THY1: variants seen among roughly 807,000 people sequenced by gnomAD.
THY1 encodes Thy-1 cell surface antigen.
Under a neutral mutation model 14.9 loss-of-function variants are expected in THY1, and 10 were observed. The observed-to-expected ratio is 0.67, with a 90% confidence interval of 0.41 to 1.14. The LOEUF is 1.14. Among genes scored for constraint, THY1 ranks in the 50% most tolerant of loss-of-function variants. The probability of loss-of-function intolerance (pLI) is 0.00; values close to 1 mark genes in which losing one functional copy is unlikely to be tolerated. For synonymous variants in THY1, 80 were observed against 90.0 expected (o/e 0.89, Z 0.63); for missense variants, 159 against 202.1 (o/e 0.79, Z 1.29).
At chr11:119,419,589 G>C in intron 3 of THY1, 69 bp from the exon 4 acceptor site, 2 of 1,303,546 alleles carry the variant, frequency 1.5e-6, no homozygotes, top group African/African-American at 1.4e-5. Context: ...GCAGGCACAG[G>C]CCCAAAGCAA....
intron 2 of THY1, chr11:119,420,589 T>TG: frequency 1.6e-6 from 1 of 639,082 alleles, no homozygotes; most frequent in Non-Finnish European, 2.7e-6. Flanking sequence ...ATCCTATCAA[T>TG]GTGTTTCAAG....
chr11:119,415,557 C>T lies in THY1; in HGVS notation c.*3851G>A, dbSNP rs1299687721. Among the ~76,000 whole-genome samples, 4 of 152,240 alleles carry T rather than the reference C, an allele frequency of 2.6e-5. No individual in the cohort carries two copies. The highest frequency in any genetic ancestry group is 7.2e-5 in the African/African-American group (3 of 41,472). ...GGCCACGCCACTGCCAGGCACTCCCCGCCTGCACTGCTGGGCACCTCCAGC... is the reference window on the plus strand; with the variant it reads ...GGCCACGCCACTGCCAGGCACTCCCTGCCTGCACTGCTGGGCACCTCCAGC... On this transcript the variant is annotated 3_prime_UTR_variant, in exon 4 of 4. Transcript: ENST00000284240.
In THY1 at chr11:119,422,650, G is replaced by GCGGCTTCCTTCTCCTC. The variant is rs1348725544; in HGVS notation, c.-25+447_-25+462dup. 1 of 209,230 alleles carries GCGGCTTCCTTCTCCTC rather than the reference G, an allele frequency of 4.8e-6. No individual in the cohort carries two copies. Among genetic ancestry groups the GCGGCTTCCTTCTCCTC allele is most frequent in the South Asian group, 6.6e-5 (1 of 15,222 alleles). The allele number at this position is 209,230 out of a possible 1,614,324, so 13.0% of individuals were successfully genotyped here. A position where few individuals can be genotyped will look rare whatever the true frequency, so the allele number is the denominator to read the frequency against. ...CCACCCAGTCCCCGCCTGCGGCACT[G>GCGGCTTCCTTCTCCTC]CGGCTTCCTTCTCCTCCGGTGCCCC... On this transcript the variant is annotated intron_variant, in intron 1 of 3. Coordinates refer to ENST00000284240, the MANE Select transcript of THY1 (RefSeq NM_006288.5). The surrounding 1 kb of genome is among the most constrained non-coding windows in gnomAD (Gnocchi z 7.0).
Position 119,419,624 on chromosome 11 carries a change from G to T in THY1, c.374-104C>A, listed in dbSNP as rs1861856537. 40 of 853,128 alleles carry T rather than the reference G, an allele frequency of 4.7e-5. No individual in the cohort carries two copies. The South Asian group carries it at 6.0e-4, about 13-fold the overall frequency. The allele number at this position is 853,128 out of a possible 1,614,324, so 52.8% of individuals were successfully genotyped here. ...AGGGTGTACTCCCTTTGGGAGGTGGGTACTGCAATGTCTTAGCTGGGACCA... is the reference window on the plus strand; with the variant it reads ...AGGGTGTACTCCCTTTGGGAGGTGGTTACTGCAATGTCTTAGCTGGGACCA... On this transcript the variant is annotated intron_variant, in intron 3 of 3. Coordinates refer to ENST00000284240, the MANE Select transcript of THY1 (RefSeq NM_006288.5).
chr11:119,416,294 C>T lies in THY1; in HGVS notation c.*3114G>A, dbSNP rs1020500321. 6.6e-6 allele frequency among the ~76,000 whole-genome samples: 1 copy of T among 152,008 alleles called. No homozygotes were observed. Among genetic ancestry groups the T allele is most frequent in the Non-Finnish European group, 1.5e-5 (1 of 68,006 alleles). On this transcript the variant is annotated 3_prime_UTR_variant, in exon 4 of 4. Coordinates refer to ENST00000284240, the MANE Select transcript of THY1 (RefSeq NM_006288.5). ...GGAGTGGATGGGGATGGGGTTGGGGCATGTGTACAGGAACCAGGGCTGGGG... is the reference window on the plus strand; with the variant it reads ...GGAGTGGATGGGGATGGGGTTGGGGTATGTGTACAGGAACCAGGGCTGGGG...
intron 1 of THY1, 82 bp downstream of exon 1, chr11:119,423,031 C>T (rs958031612): frequency 4.4e-6 from 2 of 455,938 alleles, no homozygotes; most frequent in African/African-American, 4.0e-5. Context: ...GGACCGTGGC[C>T]CGAAGCCTAG....
chr11:119,417,087 C>T lies in THY1; in HGVS notation c.*2321G>A, dbSNP rs1861793251. Among the ~76,000 whole-genome samples, 1 of 152,232 alleles carries T rather than the reference C, an allele frequency of 6.6e-6. No homozygotes were observed. Among genetic ancestry groups the T allele is most frequent in the Non-Finnish European group, 1.5e-5 (1 of 68,030 alleles). On this transcript the variant is annotated 3_prime_UTR_variant, in exon 4 of 4. Transcript: ENST00000284240. ...TTTTACTATCCTGAGGGTGGGGCAC[C>T]CCACATTTCTCTGGCATTTGATCTC...
chr11:119,417,273 A>T lies in THY1; in HGVS notation c.*2135T>A, dbSNP rs376362367. 2 of 152,316 alleles carry T rather than the reference A, an allele frequency of 1.3e-5. No individual in the cohort carries two copies. The highest frequency in any genetic ancestry group is 2.4e-5 in the African/African-American group (1 of 41,448). The allele number at this position is 152,316 out of a possible 1,614,324, so 9.4% of individuals were successfully genotyped here. The stretch of plus-strand genomic sequence containing the variant: ...TTGCTAAGGGGTTGTCAGCCTCCCA[A>T]CCTGGGACAAGGACAGCTCCTCCTC... On this transcript the variant is annotated 3_prime_UTR_variant, in exon 4 of 4. Coordinates refer to ENST00000284240, the MANE Select transcript of THY1 (RefSeq NM_006288.5).
rs1861833212 is a variant in THY1, at chr11:119,418,819, T to TG, written c.*588dup. The TG allele has an allele frequency of 6.3e-6, 1 of 159,898 alleles. No individual in the cohort carries two copies. The highest frequency in any genetic ancestry group is 1.4e-5 in the Non-Finnish European group (1 of 72,738). 9.9% of individuals were successfully genotyped at this position (159,898 alleles called of 1,614,324 possible). ...GAGGGCTGCCCTTTTTATTTTTTTT[T>TG]GGTTGTGGCTGAGAATGCTGGAGAT... On this transcript the variant is annotated 3_prime_UTR_variant, in exon 4 of 4. Transcript: ENST00000284240.
upstream of THY1, chr11:119,423,389 G>C: frequency 2.8e-6 from 1 of 358,376 alleles, no homozygotes; most frequent in South Asian, 2.1e-5. Context: ...GCCTGGCCAG[G>C]GACGGGAGGG....
Position 119,415,917 on chromosome 11 carries a change from G to GA in THY1, c.*3490_*3491insT, listed in dbSNP as rs397795288. ...ATGAGATGATTTACTCTTGACTTGG[G>GA]TTTGTTTGTTTCACATGTAAAGACA... On this transcript the variant is annotated 3_prime_UTR_variant, in exon 4 of 4. Transcript: ENST00000284240. Among the ~76,000 whole-genome samples the GA allele has an allele frequency of 2.2e-4, 34 of 152,026 alleles. No homozygotes were observed. Among genetic ancestry groups the GA allele is most frequent in the African/African-American group, 8.2e-4 (34 of 41,354 alleles).
At chr11:119,420,574 C>G (rs1861880602) in intron 2 of THY1, 188 bp from the exon 3 acceptor site, 1 of 651,066 alleles carries the variant, frequency 1.5e-6, no homozygotes, top group Admixed American at 2.9e-5. Flanking sequence ...CTGCTTGAGC[C>G]TTGGATCCTA....
intron 3 of THY1, 49 bp downstream of exon 3, chr11:119,420,002 C>T (rs763958327): frequency 3.6e-5 from 56 of 1,564,606 alleles, no homozygotes; most frequent in Admixed American, 7.1e-5. Flanking sequence ...CTGCTGTCCC[C>T]GAGCCTGGCT....
chr11:119,420,431 C>T (rs780366070), intron 2 of THY1, 45 bp from the exon 3 acceptor site: 1 of 1,533,434 alleles, frequency 6.5e-7, no homozygotes, highest in South Asian at 1.2e-5. Context: ...GCCTGCGGCA[C>T]AGGGGCCTCC....
Position 119,419,310 on chromosome 11 carries a change from G to A in THY1, c.*98C>T, listed in dbSNP as rs555481727. 105 of 1,118,376 alleles carry A rather than the reference G, an allele frequency of 9.4e-5. No individual in the cohort carries two copies. Among genetic ancestry groups the A allele is most frequent in the Non-Finnish European group, 1.2e-4 (93 of 751,398 alleles). 69.3% of individuals were successfully genotyped at this position (1,118,376 alleles called of 1,614,324 possible). On this transcript the variant is annotated 3_prime_UTR_variant, in exon 4 of 4. Transcript: ENST00000284240. ...GGGTGGGGTCCCCACTTCTCCTCAA[G>A]GTTTGAGGGATTGGGGGGAGGGGGT... is the stretch of plus-strand genomic sequence containing the variant.
At chr11:119,424,706 T>G (rs1012007356), upstream of THY1, among the ~76,000 whole-genome samples, 2 of 152,128 alleles carry the variant, frequency 1.3e-5, no homozygotes, top group Non-Finnish European at 2.9e-5. Flanking sequence ...CAGCTGAGTC[T>G]GCACTTTTCT....
Position 119,423,168 on chromosome 11 carries a change from T to C in THY1, c.-80A>G, listed in dbSNP as rs1041953188. On this transcript the variant is annotated 5_prime_UTR_variant, in exon 1 of 4. Coordinates refer to ENST00000284240, the MANE Select transcript of THY1 (RefSeq NM_006288.5). ...CCTCCAGACGCGCCGCCGCCTCCGGTTGCTGCACCCAGCTCGGAGCCCGCA... is the reference window on the plus strand; with the variant it reads ...CCTCCAGACGCGCCGCCGCCTCCGGCTGCTGCACCCAGCTCGGAGCCCGCA... 6.6e-6 allele frequency: 3 copies of C among 455,118 alleles called. No homozygotes were observed. Among genetic ancestry groups the C allele is most frequent in the African/African-American group, 2.0e-5 (1 of 49,934 alleles). 28.2% of individuals were successfully genotyped at this position (455,118 alleles called of 1,614,324 possible).
chr11:119,424,316 T>A (rs1385342827), upstream of THY1, among the ~76,000 whole-genome samples: 1 of 152,218 alleles, frequency 6.6e-6, no homozygotes. Flanking sequence ...GTGAATTTTT[T>A]TGAACTAACG....
chr11:119,424,173 C>T (rs996291550), upstream of THY1: 1 of 152,282 alleles, frequency 6.6e-6, no homozygotes, highest in Non-Finnish European at 1.5e-5. Flanking sequence ...GGAGACAGCA[C>T]AAAAAGGACT....
Sources: allele counts gnomAD v4.1 joint callset (sites outside exome capture counted in the v4.1 genomes callset), GRCh38; gene constraint gnomAD v4.1.1; non-coding constraint Gnocchi (gnomAD v3.1); transcripts MANE v1.5; gene names NCBI Gene and HGNC (gene_info 2026-07-23, HGNC 2026-07-21).